Variants in TMEM170B observed in about 807,000 individuals in gnomAD.
TMEM170B encodes the protein transmembrane protein 170B.
In TMEM170B, 6 loss-of-function variants were observed where a neutral mutation model predicts 13.0. That is an observed-to-expected ratio of 0.46 (90% CI 0.25 to 0.91). TMEM170B has a LOEUF of 0.91. Ranked by LOEUF, TMEM170B falls within the 40% of genes least tolerant of loss-of-function variation. TMEM170B has a pLI of 0.17. For synonymous variants in TMEM170B, 61 were observed against 64.9 expected (o/e 0.94, Z 0.29); for missense variants, 138 against 165.2 (o/e 0.84, Z 0.90).
intron 1 of TMEM170B, among the ~76,000 whole-genome samples, chr6:11,558,835 C>CAA (rs1170548712): frequency 6.6e-6 from 1 of 152,168 alleles, no homozygotes; most frequent in Non-Finnish European, 1.5e-5. Context: ...ATTGAACACT[C>CAA]AAAGTGCCAA....
intron 2 of TMEM170B, among the ~76,000 whole-genome samples, chr6:11,571,169 T>C (rs908589624): frequency 7.8e-6 from 1 of 127,654 alleles, no homozygotes; most frequent in African/African-American, 2.8e-5. Context: ...CTTTATCATA[T>C]GCTTGCTTTT....
intron 1 of TMEM170B, among the ~76,000 whole-genome samples, chr6:11,552,082 A>T (rs1051794725): frequency 6.6e-6 from 1 of 152,170 alleles, no homozygotes; most frequent in Non-Finnish European, 1.5e-5. Context: ...TGGAATTAGG[A>T]TCTTAGAACA....
intron 1 of TMEM170B, among the ~76,000 whole-genome samples, chr6:11,561,633 A>G (rs1350507764): frequency 6.6e-6 from 1 of 152,202 alleles, no homozygotes; most frequent in African/African-American, 2.4e-5. Context: ...ATTCAAAATA[A>G]TAGTAATAAC....
chr6:11,576,400 A>G lies in TMEM170B; in HGVS notation c.*839A>G, dbSNP rs1582148428. Reference sequence around the variant, plus strand: ...TTTCTTAAAAATTTTTGTAAGAAAAAAGTCTGAAATGCATGTTGCATTCTT... The same window carrying G: ...TTTCTTAAAAATTTTTGTAAGAAAAGAGTCTGAAATGCATGTTGCATTCTT... On this transcript the variant is annotated 3_prime_UTR_variant, in exon 3 of 3. Coordinates refer to ENST00000379426, the MANE Select transcript of TMEM170B (RefSeq NM_001100829.3). 6.6e-6 allele frequency: 1 copy of G among 152,194 alleles called. No homozygotes were observed. The highest frequency in any genetic ancestry group is 1.9e-4 in the East Asian group (1 of 5,200). The allele number at this position is 152,194 out of a possible 1,614,324, so 9.4% of individuals were successfully genotyped here. A position where few individuals can be genotyped will look rare whatever the true frequency, so the allele number is the denominator to read the frequency against.
chr6:11,544,066 G>A (rs1301855243), intron 1 of TMEM170B, among the ~76,000 whole-genome samples: 1 of 152,226 alleles, frequency 6.6e-6, no homozygotes, highest in Non-Finnish European at 1.5e-5. Flanking sequence ...GCTGAGATCA[G>A]TTATTTAATG....
chr6:11,581,483 A>G lies in TMEM170B; in HGVS notation c.*5922A>G, dbSNP rs1759955892. 1 of 152,074 alleles carries G rather than the reference A, an allele frequency of 6.6e-6. No homozygotes were observed. Among genetic ancestry groups the G allele is most frequent in the South Asian group, 2.1e-4 (1 of 4,822 alleles). 9.4% of individuals were successfully genotyped at this position (152,074 alleles called of 1,614,324 possible). The stretch of plus-strand genomic sequence containing the variant: ...TTATGTACTGCACCCACATGTATCT[A>G]CTCTTGGTAGTAACATGACTCCACC... On this transcript the variant is annotated 3_prime_UTR_variant, in exon 3 of 3. Transcript: ENST00000379426.
intron 1 of TMEM170B, among the ~76,000 whole-genome samples, chr6:11,545,388 T>C (rs936891925): frequency 6.6e-6 from 1 of 151,598 alleles, no homozygotes; most frequent in Admixed American, 6.6e-5. Flanking sequence ...CCCCAGTGGG[T>C]GCCTGAAACC....
chr6:11,580,723 A>C lies in TMEM170B; in HGVS notation c.*5162A>C, dbSNP rs1335827829. On this transcript the variant is annotated 3_prime_UTR_variant, in exon 3 of 3. Transcript: ENST00000379426. ...AGGATAAAAAGGATATTATTTGATT[A>C]AAAATTATAGCATTTGGAGAGGTAA... 1 of 152,268 alleles carries C rather than the reference A, an allele frequency of 6.6e-6. No homozygotes were observed. The highest frequency in any genetic ancestry group is 1.5e-5 in the Non-Finnish European group (1 of 68,036). The allele number at this position is 152,268 out of a possible 1,614,324, so 9.4% of individuals were successfully genotyped here.
chr6:11,563,448 T>C (rs1292848185), intron 1 of TMEM170B, among the ~76,000 whole-genome samples: 1 of 152,170 alleles, frequency 6.6e-6, no homozygotes, highest in Non-Finnish European at 1.5e-5. Context: ...AGTTCAGTTC[T>C]GACATTTACC....
intron 1 of TMEM170B, among the ~76,000 whole-genome samples, chr6:11,545,727 C>A (rs1759429502): frequency 6.6e-6 from 1 of 150,604 alleles, no homozygotes; most frequent in Non-Finnish European, 1.5e-5. Context: ...AGAATGTACC[C>A]CTACTTGTTT....
chr6:11,560,274 C>T (rs1027177138), intron 1 of TMEM170B, among the ~76,000 whole-genome samples: 2 of 151,886 alleles, frequency 1.3e-5, no homozygotes, highest in South Asian at 2.1e-4. Context: ...ACACCATTCT[C>T]CTGCCTCAGC....
intron 1 of TMEM170B, among the ~76,000 whole-genome samples, chr6:11,546,666 G>A (rs955398550): frequency 1.3e-5 from 2 of 152,100 alleles, no homozygotes; most frequent in African/African-American, 4.8e-5. Context: ...TTCCCATTGT[G>A]TTACAATTGC....
At chr6:11,550,950 A>G (rs1031596489) in intron 1 of TMEM170B, among the ~76,000 whole-genome samples, 10 of 152,334 alleles carry the variant, frequency 6.6e-5, no homozygotes, top group Admixed American at 5.2e-4. Flanking sequence ...TTAGTTATCT[A>G]TTGCTGAATG....
chr6:11,563,433 A>C (rs779567233), intron 1 of TMEM170B, among the ~76,000 whole-genome samples: 3 of 151,642 alleles, frequency 2.0e-5, no homozygotes, highest in Non-Finnish European at 4.4e-5. Context: ...GGTGTCCTAC[A>C]GTTCAGTTCA....
Position 11,569,242 on chromosome 6 carries a change from T to G in TMEM170B, c.268+3406T>G, listed in dbSNP as rs75391259. On this transcript the variant is annotated intron_variant, in intron 2 of 2. Transcript: ENST00000379426. ...GGACTTTGCAAATAATTTATCTCAG[T>G]CTTTTATCAGTTACCTTCATCCATG... Among the ~76,000 whole-genome samples the G allele has an allele frequency of 5.0e-3, 767 of 152,256 alleles. 3 individuals carry two copies. Among genetic ancestry groups the G allele is most frequent in the Non-Finnish European group, 7.2e-3 (488 of 67,988 alleles).
chr6:11,558,946 T>A (rs1023277439), intron 1 of TMEM170B, among the ~76,000 whole-genome samples: 9 of 152,238 alleles, frequency 5.9e-5, no homozygotes, highest in African/African-American at 2.2e-4. Context: ...GTAAATACAG[T>A]ATTCTACTTT....
chr6:11,554,522 T>C (rs1759564278), intron 1 of TMEM170B, among the ~76,000 whole-genome samples: 4 of 152,206 alleles, frequency 2.6e-5, no homozygotes, highest in African/African-American at 9.6e-5. Flanking sequence ...GTGGCTTAAA[T>C]ATAGAGCAAT....
chr6:11,542,693 C>G (rs2113760805), intron 1 of TMEM170B, among the ~76,000 whole-genome samples: 1 of 152,258 alleles, frequency 6.6e-6, no homozygotes, highest in Non-Finnish European at 1.5e-5. Flanking sequence ...TGATGGGATT[C>G]ATTGTGGCCT....
chr6:11,575,778 T>G lies in TMEM170B; in HGVS notation c.*217T>G, dbSNP rs1329253558. Reference sequence around the variant, plus strand: ...TTATGTGCCTCTGTCTCAGGCAAGGTGCATTAAGACACTATGTAAAGTTAC... The same window carrying G: ...TTATGTGCCTCTGTCTCAGGCAAGGGGCATTAAGACACTATGTAAAGTTAC... On this transcript the variant is annotated 3_prime_UTR_variant, in exon 3 of 3. Coordinates refer to ENST00000379426, the MANE Select transcript of TMEM170B (RefSeq NM_001100829.3). This position sits in a 1 kb window ranked among gnomAD's most constrained non-coding sequence, Gnocchi z 4.1. 10 of 462,664 alleles carry G rather than the reference T, an allele frequency of 2.2e-5. No homozygotes were observed. Among genetic ancestry groups the G allele is most frequent in the South Asian group, 9.7e-5 (3 of 30,996 alleles). 28.7% of individuals were successfully genotyped at this position (462,664 alleles called of 1,614,324 possible).
Sources: allele counts gnomAD v4.1 joint callset (sites outside exome capture counted in the v4.1 genomes callset), GRCh38; gene constraint gnomAD v4.1.1; non-coding constraint Gnocchi (gnomAD v3.1); transcripts MANE v1.5; gene names NCBI Gene and HGNC (gene_info 2026-07-23, HGNC 2026-07-21).